Variants in LRP1B observed in about 807,000 individuals in gnomAD.
The protein encoded by LRP1B is low-density lipoprotein receptor-related protein 1B.
LRP1B carries 217 observed loss-of-function variants against 556.6 expected under a neutral mutation model. The ratio of observed to expected loss-of-function variants is 0.39; its 90% CI spans 0.35 to 0.44. The LOEUF (loss-of-function observed/expected upper bound fraction) is 0.44, where lower values mean the gene tolerates loss of function less well. Among genes scored for constraint, LRP1B ranks in the 20% least tolerant of loss-of-function variants. LRP1B has a pLI of 1.00. For synonymous variants in LRP1B, 2,047 were observed against 1,865.8 expected, an observed-to-expected ratio of 1.10 and a Z score of -2.50; for missense variants, 5,053 against 5,620.8, an observed-to-expected ratio of 0.90 and a Z score of 3.23.
At chr2:140,483,523 A>G (rs968391914) in intron 59 of LRP1B, among the ~76,000 whole-genome samples, 1 of 149,990 alleles carries the variant, frequency 6.7e-6, no homozygotes, top group Non-Finnish European at 1.5e-5. Flanking sequence ...TAAGCCAGCC[A>G]TATTGATTTT....
Position 140,572,499 on chromosome 2 carries a change from A to T in LRP1B, c.7194+26132T>A, listed in dbSNP as rs1681359720. ...TTATCAAAAAGACAAAAAATAACAAATGTGTGGAAAGGGGGACTCATATAC... is the reference window on the plus strand; with the variant it reads ...TTATCAAAAAGACAAAAAATAACAATTGTGTGGAAAGGGGGACTCATATAC... On this transcript the variant is annotated intron_variant, in intron 43 of 90. Coordinates refer to ENST00000389484, the MANE Select transcript of LRP1B (RefSeq NM_018557.3). 3.3e-5 allele frequency among the ~76,000 whole-genome samples: 5 copies of T among 151,586 alleles called. No homozygotes were observed. The South Asian group carries it at 1.0e-3, about 31-fold the overall frequency.
intron 21 of LRP1B, among the ~76,000 whole-genome samples, chr2:140,920,889 T>C (rs1694718652): frequency 6.6e-6 from 1 of 152,154 alleles, no homozygotes; most frequent in South Asian, 2.1e-4. Context: ...AATCCAAATC[T>C]CAAGTCAACA....
intron 1 of LRP1B, among the ~76,000 whole-genome samples, chr2:142,065,667 G>T (rs906660847): frequency 1.1e-4 from 17 of 151,428 alleles, no homozygotes; most frequent in African/African-American, 3.9e-4. Context: ...CTTTGTGGCA[G>T]CAGGGAGGGC....
At chr2:141,530,472 T>G (rs1268551920) in intron 2 of LRP1B, among the ~76,000 whole-genome samples, 1 of 152,092 alleles carries the variant, frequency 6.6e-6, no homozygotes, top group Non-Finnish European at 1.5e-5. Flanking sequence ...CTTCATTTAT[T>G]TATTATACCA....
chr2:142,057,696 C>T (rs1167253076), intron 1 of LRP1B, among the ~76,000 whole-genome samples: 1 of 152,086 alleles, frequency 6.6e-6, no homozygotes, highest in East Asian at 1.9e-4. Context: ...AGGAGATTAT[C>T]TCATAAATGT....
intron 3 of LRP1B, among the ~76,000 whole-genome samples, chr2:141,459,132 A>G (rs1573967783): frequency 1.3e-5 from 2 of 152,274 alleles, no homozygotes; most frequent in Admixed American, 1.3e-4. Context: ...CCTAGCTGAA[A>G]AAGCTCCCAG....
intron 7 of LRP1B, among the ~76,000 whole-genome samples, chr2:141,121,447 C>T (rs1701045413): frequency 6.6e-6 from 1 of 151,942 alleles, no homozygotes; most frequent in Non-Finnish European, 1.5e-5. Flanking sequence ...CATTCTTATA[C>T]ACCAATAACA....
intron 41 of LRP1B, among the ~76,000 whole-genome samples, chr2:140,681,782 T>A (rs1685868188): frequency 6.6e-6 from 1 of 152,208 alleles, no homozygotes; most frequent in Non-Finnish European, 1.5e-5. Flanking sequence ...CATCTTTTGT[T>A]GGGATGATTC....
Position 140,950,320 on chromosome 2 carries a change from T to A in LRP1B, c.3051A>T (p.Arg1017Ser). The change falls in exon 20 of 91, where the codon AGA (arginine) becomes AGT (serine). Residue 1017 changes from arginine to serine, a missense_variant. Arg to Ser is a moderately radical substitution (Grantham distance 110, BLOSUM62 -1). Coordinates refer to ENST00000389484, the MANE Select transcript of LRP1B (RefSeq NM_018557.3). Reference sequence around the variant, plus strand: ...CACAGGCCCAGTGGCCTGGGATGCATCTGCCACTGGAACATCTGAACTGAT... The same window carrying A: ...CACAGGCCCAGTGGCCTGGGATGCAACTGCCACTGGAACATCTGAACTGAT... Reference protein sequence around the residue: ...FDNQFRCSSGRCIPGHWACDG... With the variant: ...FDNQFRCSSGSCIPGHWACDG... 4 of 1,612,848 alleles carry A rather than the reference T, an allele frequency of 2.5e-6. No homozygotes were observed. Among genetic ancestry groups the A allele is most frequent in the Non-Finnish European group, 3.4e-6 (4 of 1,179,270 alleles).
intron 84 of LRP1B, among the ~76,000 whole-genome samples, chr2:140,279,322 G>C (rs1682819285): frequency 6.6e-6 from 1 of 152,072 alleles, no homozygotes; most frequent in South Asian, 2.1e-4. Context: ...GCAAGTCCAG[G>C]AAAGAGTTTG....
At chr2:140,712,323 T>A (rs1687060490) in intron 37 of LRP1B, among the ~76,000 whole-genome samples, 1 of 152,010 alleles carries the variant, frequency 6.6e-6, no homozygotes, top group Admixed American at 6.6e-5. Flanking sequence ...ATTTGCTTGA[T>A]CTCTTTCTTC....
rs140617548 is a variant in LRP1B at position 141,226,016 on chromosome 2, C to T, written c.850+3167G>A. Among the ~76,000 whole-genome samples, 826 of 152,090 alleles carry T rather than the reference C, an allele frequency of 5.4e-3. 8 individuals carry two copies. The highest frequency in any genetic ancestry group is 0.018 in the African/African-American group (758 of 41,490). ...GCTAACATGAAAAAGTTGAGACCTA[C>T]GGGCAGAGCGGTATTTAGAAAAAGC... On this transcript the variant is annotated intron_variant, in intron 6 of 90. Transcript: ENST00000389484.
In LRP1B at chr2:140,683,822, A is replaced by G; in HGVS notation, c.6799+16428T>C. On this transcript the variant is annotated intron_variant, in intron 41 of 90. Coordinates refer to ENST00000389484, the MANE Select transcript of LRP1B (RefSeq NM_018557.3). The stretch of plus-strand genomic sequence containing the variant: ...GCCTCCGGGCTAGGGGATGCCTTCC[A>G]TGCGCTAGGCAGCAGCCGACCCCGA... 3 of 681,046 alleles carry G rather than the reference A, an allele frequency of 4.4e-6. No homozygotes were observed. The South Asian group carries it at 4.9e-5, about 11-fold the overall frequency. The allele number at this position is 681,046 out of a possible 1,614,324, so 42.2% of individuals were successfully genotyped here. A position where few individuals can be genotyped will look rare whatever the true frequency, so the allele number is the denominator to read the frequency against.
rs190725863 is a variant in LRP1B, at chr2:141,916,463, C to G, written c.83-106062G>C. The stretch of plus-strand genomic sequence containing the variant: ...CACTGCAAGCTCCACCTCCTGGGTT[C>G]ACGCCATCCTCCTGCCTCAGCCTCC... On this transcript the variant is annotated intron_variant, in intron 1 of 90. Transcript: ENST00000389484. Among the ~76,000 whole-genome samples, 644 of 151,906 alleles carry G rather than the reference C, an allele frequency of 4.2e-3. 3 individuals are homozygous for G. Among genetic ancestry groups the G allele is most frequent in the African/African-American group, 0.014 (570 of 41,438 alleles).
chr2:140,642,043 C>A (rs976203828), intron 41 of LRP1B, among the ~76,000 whole-genome samples: 3 of 152,106 alleles, frequency 2.0e-5, no homozygotes, highest in African/African-American at 7.2e-5. Context: ...ATTGATGATT[C>A]TGACAAGGGA....
intron 3 of LRP1B, among the ~76,000 whole-genome samples, chr2:141,438,746 C>T (rs1480058807): frequency 6.6e-6 from 1 of 152,004 alleles, no homozygotes; most frequent in Non-Finnish European, 1.5e-5. Flanking sequence ...ACAATGAAAG[C>T]CAAGGAGTTA....
chr2:140,863,565 C>A (rs1692861689), intron 27 of LRP1B, among the ~76,000 whole-genome samples: 1 of 152,110 alleles, frequency 6.6e-6, no homozygotes, highest in Admixed American at 6.6e-5. Context: ...TGAGTGTGAG[C>A]ATGATCTGAC....
intron 2 of LRP1B, among the ~76,000 whole-genome samples, chr2:141,533,802 A>G (rs1684973794): frequency 1.3e-5 from 2 of 152,030 alleles, no homozygotes; most frequent in Admixed American, 6.6e-5. Context: ...TTCATCATCA[A>G]CTTACTCCAT....
At chr2:141,096,677 AGAGAGAGAGAGAGAAAAT>A (rs1700327429) in intron 7 of LRP1B, among the ~76,000 whole-genome samples, 3 of 129,078 alleles carry the variant, frequency 2.3e-5, no homozygotes, top group Admixed American at 1.6e-4. Flanking sequence ...AGAGAGAGAG[AGAGAGAGAGAGAGAAAAT>A]AAATAAATAC....
Sources: allele counts gnomAD v4.1 joint callset (sites outside exome capture counted in the v4.1 genomes callset), GRCh38; gene constraint gnomAD v4.1.1; transcripts MANE v1.5; gene names NCBI Gene and HGNC (gene_info 2026-07-23, HGNC 2026-07-21).